Variants in ENTHD1 observed in about 807,000 individuals in gnomAD.
The protein encoded by ENTHD1 is ENTH domain-containing protein 1.
A neutral mutation model predicts 39.1 loss-of-function variants in ENTHD1; 23 were observed. That is an observed-to-expected ratio of 0.59 (90% confidence interval 0.42 to 0.83). The LOEUF (loss-of-function observed/expected upper bound fraction) is 0.83, where lower values mean the gene tolerates loss of function less well. Ranked by LOEUF, ENTHD1 falls within the 40% of genes least tolerant of loss-of-function variation. The pLI, the probability that ENTHD1 is intolerant of heterozygous loss-of-function variation, is 0.00. For missense variants in ENTHD1, 624 were observed against 705.4 expected (o/e 0.88, Z 1.31); for synonymous variants, 230 against 258.2 (o/e 0.89, Z 1.05).
At chr22:39,870,002 T>TATTC in intron 2 of ENTHD1, among the ~76,000 whole-genome samples, 2 of 150,516 alleles carry the variant, frequency 1.3e-5, no homozygotes, top group Admixed American at 6.6e-5. Context: ...TTTATTTATT[T>TATTC]ATTTATTTAT....
intron 4 of ENTHD1, among the ~76,000 whole-genome samples, chr22:39,828,558 T>C (rs1018839958): frequency 6.6e-6 from 1 of 152,174 alleles, no homozygotes; most frequent in Non-Finnish European, 1.5e-5. Flanking sequence ...AAACAAATAT[T>C]TATCGTGTAT....
rs1031498750 is a variant in ENTHD1 at position 39,756,260 on chromosome 22, A to G, written c.1219+8963T>C. Among the ~76,000 whole-genome samples the G allele has an allele frequency of 2.7e-5, 4 of 149,912 alleles. No individual in the cohort carries two copies. The East Asian group carries it at 5.9e-4, about 22-fold the overall frequency. ...ATTTCACCCTATTAAGAATTTGTTAAATGTTGTTAAACCTATCAATGTCTC... is the reference window on the plus strand; with the variant it reads ...ATTTCACCCTATTAAGAATTTGTTAGATGTTGTTAAACCTATCAATGTCTC... On this transcript the variant is annotated intron_variant, in intron 6 of 6. Transcript: ENST00000325157.
chr22:39,831,416 G>C (rs1244345763), intron 4 of ENTHD1, among the ~76,000 whole-genome samples: 1 of 152,058 alleles, frequency 6.6e-6, no homozygotes, highest in Non-Finnish European at 1.5e-5. Flanking sequence ...AGGACACAGA[G>C]AGAAAGATTA....
chr22:39,857,185 G>A (rs557191161), intron 3 of ENTHD1, among the ~76,000 whole-genome samples: 13 of 152,190 alleles, frequency 8.5e-5, no homozygotes, highest in African/African-American at 3.1e-4. Flanking sequence ...GCTCATGACT[G>A]TAATCCCAGC....
In ENTHD1 at chr22:39,860,158, T is replaced by C. The variant is rs73888187; in HGVS notation, c.592+1607A>G. 7.7e-3 allele frequency among the ~76,000 whole-genome samples: 1,173 copies of C among 152,316 alleles called. 15 individuals are homozygous for C. The highest frequency in any genetic ancestry group is 0.027 in the African/African-American group (1,124 of 41,576). Reference sequence around the variant, plus strand: ...TAGTTCCATGATAAAAGAAAACTTATTTTACTCACTCCTATAGTTCCAAAT... The same window carrying C: ...TAGTTCCATGATAAAAGAAAACTTACTTTACTCACTCCTATAGTTCCAAAT... On this transcript the variant is annotated intron_variant, in intron 3 of 6. Transcript: ENST00000325157.
intron 3 of ENTHD1, among the ~76,000 whole-genome samples, chr22:39,836,577 G>C (rs140251674): frequency 1.6e-4 from 25 of 152,254 alleles, no homozygotes; most frequent in African/African-American, 5.5e-4. Flanking sequence ...GAAATGTATA[G>C]ATTATTAGAT....
chr22:39,863,980 G>C (rs2066164583), intron 2 of ENTHD1, among the ~76,000 whole-genome samples: 1 of 152,124 alleles, frequency 6.6e-6, no homozygotes, highest in South Asian at 2.1e-4. Context: ...CTTTATAACT[G>C]CTTCAAATCA....
intron 1 of ENTHD1, among the ~76,000 whole-genome samples, chr22:39,889,414 G>A (rs1403161995): frequency 6.6e-6 from 1 of 152,114 alleles, no homozygotes; most frequent in African/African-American, 2.4e-5. Flanking sequence ...TATTAAGGAG[G>A]GTCAGTCAGT....
chr22:39,823,378 T>G (rs7288020), intron 4 of ENTHD1, among the ~76,000 whole-genome samples: 9,208 of 152,176 alleles, frequency 0.061, 391 homozygotes, highest in South Asian at 0.13. Flanking sequence ...AGAGTCTCAG[T>G]CTGTCGCCCA....
chr22:39,877,492 G>C (rs1377121066), intron 2 of ENTHD1, among the ~76,000 whole-genome samples: 1 of 152,228 alleles, frequency 6.6e-6, no homozygotes, highest in Non-Finnish European at 1.5e-5. Flanking sequence ...GGCAAATACA[G>C]TACAGAGAAT....
chr22:39,793,273 T>A (rs2065519578), intron 5 of ENTHD1, among the ~76,000 whole-genome samples: 1 of 152,040 alleles, frequency 6.6e-6, no homozygotes, highest in Non-Finnish European at 1.5e-5. Flanking sequence ...AATTACTCTA[T>A]ATGTATGTCT....
chr22:39,787,978 G>T (rs1369137184), intron 5 of ENTHD1, among the ~76,000 whole-genome samples: 2 of 152,140 alleles, frequency 1.3e-5, no homozygotes, highest in East Asian at 1.9e-4. Flanking sequence ...AGGCCCTTAA[G>T]ATTCCTTTCA....
At chr22:39,871,162 C>T (rs984581717) in intron 2 of ENTHD1, among the ~76,000 whole-genome samples, 4 of 147,420 alleles carry the variant, frequency 2.7e-5, no homozygotes, top group African/African-American at 5.0e-5. Context: ...GGAGTGAGAG[C>T]CCATCTTCTA....
At chr22:39,859,733 T>C (rs940052182) in intron 3 of ENTHD1, among the ~76,000 whole-genome samples, 1 of 152,080 alleles carries the variant, frequency 6.6e-6, no homozygotes, top group Non-Finnish European at 1.5e-5. Flanking sequence ...ATGACACATA[T>C]AATAATAAGG....
intron 4 of ENTHD1, among the ~76,000 whole-genome samples, chr22:39,833,360 T>C (rs1377095334): frequency 6.6e-6 from 1 of 152,038 alleles, no homozygotes; most frequent in African/African-American, 2.4e-5. Flanking sequence ...GCATAACTAT[T>C]TCAAAAGAAA....
rs1379838269 is a variant in ENTHD1, at chr22:39,744,173, G to T, written c.1330C>A (p.Pro444Thr). 2.5e-6 allele frequency: 4 copies of T among 1,614,000 alleles called. No homozygotes were observed. The African/African-American group carries it at 4.0e-5, about 16-fold the overall frequency. Residue 444 changes from proline to threonine, a missense_variant, in exon 7 of 7, where the codon CCT becomes ACT. By Grantham distance (38) the Pro-to-Thr change is conservative. Coordinates refer to ENST00000325157, the MANE Select transcript of ENTHD1 (RefSeq NM_152512.4). Reference sequence around the variant, plus strand: ...TGATGGGACAGAGTCCAGAAGGAAGGTCCGGCCAGAATTGGTGATAAGAGA... The same window carrying T: ...TGATGGGACAGAGTCCAGAAGGAAGTTCCGGCCAGAATTGGTGATAAGAGA... ...AHLLSPILAG[P>T]SFWTLSHQQL...
At chr22:39,815,913 A>T (rs560718573) in intron 5 of ENTHD1, among the ~76,000 whole-genome samples, 1 of 152,316 alleles carries the variant, frequency 6.6e-6, no homozygotes, top group East Asian at 1.9e-4. Flanking sequence ...TGTGAAACGA[A>T]ATATATATTG....
chr22:39,754,773 G>T (rs1569125889), intron 6 of ENTHD1, among the ~76,000 whole-genome samples: 1 of 152,034 alleles, frequency 6.6e-6, no homozygotes. Flanking sequence ...CTCTCACCTG[G>T]TTTTTTACAA....
At chr22:39,816,568 T>C (rs951053266) in intron 5 of ENTHD1, among the ~76,000 whole-genome samples, 2 of 152,218 alleles carry the variant, frequency 1.3e-5, no homozygotes, top group Admixed American at 1.3e-4. Flanking sequence ...AAAGAGTCAT[T>C]TCAAAGCAGT....
Sources: allele counts gnomAD v4.1 joint callset (sites outside exome capture counted in the v4.1 genomes callset), GRCh38; gene constraint gnomAD v4.1.1; transcripts MANE v1.5; gene names NCBI Gene and HGNC (gene_info 2026-07-23, HGNC 2026-07-21).